LRRC40: variants seen among roughly 807,000 people sequenced by gnomAD.
LRRC40 encodes leucine rich repeat containing 40, also known as leucine-rich repeat-containing protein 40.
A neutral mutation model predicts 72.8 loss-of-function variants in LRRC40; 76 were observed. The ratio of observed to expected loss-of-function variants is 1.04; its 90% CI spans 0.87 to 1.26. The LOEUF (loss-of-function observed/expected upper bound fraction) is 1.26. Among genes scored for constraint, LRRC40 ranks in the 50% most tolerant of loss-of-function variants. The probability of loss-of-function intolerance (pLI) is 0.00; values close to 1 mark genes in which losing one functional copy is unlikely to be tolerated. For synonymous variants in LRRC40, 243 were observed against 254.2 expected (o/e 0.96, Z 0.42); for missense variants, 684 against 698.9 (o/e 0.98, Z 0.24).
At chr1:70,183,907 T>C (rs988396016) in intron 4 of LRRC40, among the ~76,000 whole-genome samples, 9 of 152,162 alleles carry the variant, frequency 5.9e-5, no homozygotes, top group African/African-American at 1.4e-4. Flanking sequence ...GGATATTACA[T>C]TGCCATATGT....
In LRRC40 at chr1:70,166,489, T is replaced by C. The variant is rs548801346; in HGVS notation, c.1111+6976A>G. 2.9e-4 allele frequency among the ~76,000 whole-genome samples: 44 copies of C among 152,040 alleles called. No individual in the cohort carries two copies. In the Middle Eastern group the frequency reaches 0.017, roughly 59 times the overall value. On this transcript the variant is annotated intron_variant, in intron 9 of 14. Transcript: ENST00000370952. ...AGAATGAGCAAATAACAAGACTCTG[T>C]CTCTACAAAAAAATAAAAATAGCCT... is the stretch of plus-strand genomic sequence containing the variant.
intron 9 of LRRC40, among the ~76,000 whole-genome samples, chr1:70,166,547 C>T (rs1667883305): frequency 6.6e-6 from 1 of 151,894 alleles, no homozygotes; most frequent in African/African-American, 2.4e-5. Context: ...ATCCTAGCTA[C>T]TTGGAAGGCT....
chr1:70,192,599 T>G (rs1226389732), intron 1 of LRRC40, among the ~76,000 whole-genome samples: 1 of 151,998 alleles, frequency 6.6e-6, no homozygotes. Context: ...TTAAAGAAAA[T>G]GTGGTACATA....
intron 5 of LRRC40, among the ~76,000 whole-genome samples, chr1:70,179,224 T>G (rs924053376): frequency 6.6e-6 from 1 of 152,152 alleles, no homozygotes; most frequent in African/African-American, 2.4e-5. Flanking sequence ...AGTTGTGCTG[T>G]AATGCCAGCA....
At chr1:70,146,696 A>G in intron 14 of LRRC40, among the ~76,000 whole-genome samples, 1 of 152,102 alleles carries the variant, frequency 6.6e-6, no homozygotes. Flanking sequence ...CAAGCCAAGG[A>G]CTGTAATGTA....
intron 1 of LRRC40, among the ~76,000 whole-genome samples, chr1:70,196,707 A>G (rs1177897464): frequency 2.6e-5 from 4 of 152,246 alleles, no homozygotes; most frequent in Admixed American, 2.6e-4. Context: ...TACATTGACA[A>G]AAAGCAGATC....
intron 9 of LRRC40, among the ~76,000 whole-genome samples, chr1:70,165,941 TATAAATA>T (rs1179981835): frequency 6.6e-6 from 1 of 152,184 alleles, no homozygotes; most frequent in African/African-American, 2.4e-5. Flanking sequence ...ACTTATTACC[TATAAATA>T]ATAAAGTTAT....
chr1:70,176,714 T>C (rs1465459243), intron 6 of LRRC40, among the ~76,000 whole-genome samples: 1 of 152,090 alleles, frequency 6.6e-6, no homozygotes, highest in Non-Finnish European at 1.5e-5. Context: ...TCCACTTTTA[T>C]ATAAATTTTT....
At position 70,148,552 on chromosome 1, in the gene LRRC40, C is replaced by A. The variant is rs747804316; in HGVS notation, c.1638G>T (p.Thr546=). Residue 546 remains threonine (T), a synonymous_variant, in exon 14 of 15, where the codon ACG becomes ACT. Coordinates refer to ENST00000370952, the MANE Select transcript of LRRC40 (RefSeq NM_017768.5). ...QKMKMMENLT[T]LDLQNNDLLQ... is the part of the protein sequence containing the mutation. Reference sequence around the variant, plus strand: ...AGAGGTCATTATTTTGAAGGTCCAACGTGGTCAGATTTTCCATCATCTTCA... The same window carrying A: ...AGAGGTCATTATTTTGAAGGTCCAAAGTGGTCAGATTTTCCATCATCTTCA... The A allele has an allele frequency of 6.2e-7, 1 of 1,613,628 alleles. No homozygotes were observed. The highest frequency in any genetic ancestry group is 8.5e-7 in the Non-Finnish European group (1 of 1,179,680).
At chr1:70,186,284 A>G (rs1305201684) in intron 3 of LRRC40, among the ~76,000 whole-genome samples, 2 of 152,144 alleles carry the variant, frequency 1.3e-5, no homozygotes, top group Non-Finnish European at 2.9e-5. Context: ...AGCTTAAGCC[A>G]TGTCACTCAA....
At chr1:70,162,088 C>G (rs1220267294) in intron 9 of LRRC40, among the ~76,000 whole-genome samples, 1 of 152,046 alleles carries the variant, frequency 6.6e-6, no homozygotes, top group East Asian at 1.9e-4. Context: ...TTAAACTTCT[C>G]CATTTCATTT....
At chr1:70,177,275 C>CA (rs140939842) in intron 6 of LRRC40, among the ~76,000 whole-genome samples, 12,472 of 150,954 alleles carry the variant, frequency 0.083, 588 homozygotes, top group South Asian at 0.19. Context: ...GACTCTGCCT[C>CA]AAAAAAAATA....
intron 10 of LRRC40, among the ~76,000 whole-genome samples, chr1:70,156,638 C>A (rs1168346578): frequency 1.3e-5 from 2 of 152,096 alleles, no homozygotes; most frequent in Non-Finnish European, 2.9e-5. Flanking sequence ...AGGACTGAAT[C>A]CTATATAGTA....
chr1:70,159,578 A>T (rs953432534), intron 9 of LRRC40, 140 bp from the exon 10 acceptor site: 1 of 429,062 alleles, frequency 2.3e-6, no homozygotes, highest in African/African-American at 2.0e-5. Context: ...TTTATTTCCA[A>T]TGACTCAAAT....
In LRRC40 at chr1:70,151,209, A is replaced by C. The variant is rs764961133; in HGVS notation, c.1440-4T>G. The C allele has an allele frequency of 5.4e-6, 8 of 1,480,266 alleles. No individual in the cohort carries two copies. The highest frequency in any genetic ancestry group is 7.5e-6 in the Non-Finnish European group (8 of 1,062,340). 91.7% of individuals were successfully genotyped at this position (1,480,266 alleles called of 1,614,324 possible). ...CAAAGAATTTAAAAAATTGTTCCTA[A>C]ATTGGAAATCAAAACAGAAGATTTA... On this transcript the variant is annotated splice_region_variant and splice_polypyrimidine_tract_variant and intron_variant, in intron 12 of 14. Coordinates refer to ENST00000370952, the MANE Select transcript of LRRC40 (RefSeq NM_017768.5).
At position 70,189,164 on chromosome 1, in the gene LRRC40, T is replaced by C. The variant is rs1320853701; in HGVS notation, c.261A>G (p.Leu87=). The C allele has an allele frequency of 1.9e-6, 3 of 1,613,718 alleles. No homozygotes were observed. Among genetic ancestry groups the C allele is most frequent in the Non-Finnish European group, 1.7e-6 (2 of 1,179,994 alleles). ...RWWEQTDLTK[L]IISNNKLQSL... is the part of the protein sequence containing the mutation. ...ACTGAAGTTTATTGTTTGATATTAT[T>C]AGTTTGGTCAAATCTGTCTGCTCCC... Residue 87 remains leucine, a synonymous_variant, in exon 2 of 15, where the codon CTA becomes CTG. Transcript: ENST00000370952.
At chr1:70,159,540 A>T in intron 9 of LRRC40, 102 bp from the exon 10 acceptor site, 1 of 481,086 alleles carries the variant, frequency 2.1e-6, no homozygotes. Context: ...TCTAGATATT[A>T]TTGGTGAGAA....
intron 1 of LRRC40, among the ~76,000 whole-genome samples, chr1:70,195,321 T>C (rs770967421): frequency 2.0e-5 from 3 of 151,748 alleles, no homozygotes; most frequent in South Asian, 2.1e-4. Context: ...TGAGACGGAA[T>C]TGTATCTCAA....
chr1:70,195,121 CAG>C (rs1668580204), intron 1 of LRRC40, among the ~76,000 whole-genome samples: 3 of 151,746 alleles, frequency 2.0e-5, no homozygotes, highest in African/African-American at 7.3e-5. Context: ...CTAAAAGAAA[CAG>C]AGGAAAAAAT....
Sources: allele counts gnomAD v4.1 joint callset (sites outside exome capture counted in the v4.1 genomes callset), GRCh38; gene constraint gnomAD v4.1.1; transcripts MANE v1.5; gene names NCBI Gene and HGNC (gene_info 2026-07-23, HGNC 2026-07-21).